CNTRL: variants seen among roughly 807,000 people sequenced by gnomAD.
CNTRL encodes 110 kDa centrosomal protein.
Under a neutral mutation model 303.7 loss-of-function variants are expected in CNTRL, and 233 were observed. The observed-to-expected ratio is 0.77, with a 90% confidence interval of 0.69 to 0.86. The LOEUF (loss-of-function observed/expected upper bound fraction) is 0.86, where lower values mean the gene tolerates loss of function less well. CNTRL is among the 40% of genes least tolerant of loss of function. The pLI is 0.00. For synonymous variants in CNTRL, 900 were observed against 922.2 expected (o/e 0.98, Z 0.44); for missense variants, 2,524 against 2,650.6 (o/e 0.95, Z 1.05).
chr9:121,091,976 C>G (rs949991691), intron 4 of CNTRL, among the ~76,000 whole-genome samples: 7 of 144,778 alleles, frequency 4.8e-5, no homozygotes, highest in African/African-American at 1.8e-4. Context: ...TAGTCACCCT[C>G]TCCTCAGTCG....
intron 14 of CNTRL, among the ~76,000 whole-genome samples, chr9:121,132,591 T>C (rs2050931155): frequency 6.6e-6 from 1 of 152,236 alleles, no homozygotes; most frequent in African/African-American, 2.4e-5. Flanking sequence ...GTCCTTTAGC[T>C]TGAAGAAGTT....
At chr9:121,075,415 G>A (rs1301964067) in intron 1 of CNTRL, among the ~76,000 whole-genome samples, 1 of 152,230 alleles carries the variant, frequency 6.6e-6, no homozygotes, top group Non-Finnish European at 1.5e-5. Flanking sequence ...GGATGTGCCA[G>A]CTGTCTGTGG....
At chr9:121,111,776 A>C (rs1327339725) in intron 8 of CNTRL, among the ~76,000 whole-genome samples, 1 of 152,164 alleles carries the variant, frequency 6.6e-6, no homozygotes, top group Non-Finnish European at 1.5e-5. Flanking sequence ...GTATTTATAA[A>C]TTCAGAGAAT....
chr9:121,146,158 C>T lies in CNTRL; in HGVS notation c.3361C>T (p.Arg1121Cys), dbSNP rs760364010. The T allele has an allele frequency of 2.9e-5, 46 of 1,612,792 alleles. No individual in the cohort carries two copies. Among genetic ancestry groups the T allele is most frequent in the Middle Eastern group, 1.6e-4 (1 of 6,080 alleles). Reference sequence around the variant, plus strand: ...TTTAGAAGAAATTGCTGAACTTCGACGTGAAGTTTCTTATCAGAATGATTA... The same window carrying T: ...TTTAGAAGAAATTGCTGAACTTCGATGTGAAGTTTCTTATCAGAATGATTA... ...NVLEEIAELR[R>C]EVSYQNDYIS... The change falls in exon 23 of 44, where the codon CGT (arginine) becomes TGT (cysteine). Residue 1121 changes from arginine (R) to cysteine (C), a missense_variant. Coordinates refer to ENST00000373855, the MANE Select transcript of CNTRL (RefSeq NM_007018.6).
chr9:121,171,485 G>A lies in CNTRL; in HGVS notation c.6354G>A (p.Arg2118=). The A allele has an allele frequency of 6.2e-7, 1 of 1,614,102 alleles. No homozygotes were observed. Among genetic ancestry groups the A allele is most frequent in the Non-Finnish European group, 8.5e-7 (1 of 1,179,992 alleles). ...TGGTAGCCCAGGACAACCATGAGCG[G>A]GCCAGGCGCCTGATGAAGGAGCTCA... ...IELVAQDNHE[R]ARRLMKELNQ... is the part of the protein sequence containing the mutation. The change falls in exon 40 of 44, where the codon CGG becomes CGA. Residue 2118 remains arginine (R), a synonymous_variant. Transcript: ENST00000373855.
In CNTRL at chr9:121,160,243, T is replaced by C; in HGVS notation, c.5030T>C (p.Ile1677Thr). The change falls in exon 32 of 44, where the codon ATT becomes ACT. Residue 1677 changes from isoleucine to threonine, a missense_variant. Physicochemically the swap from Ile to Thr is moderately conservative, Grantham distance 89 (BLOSUM62 -1). Coordinates refer to ENST00000373855, the MANE Select transcript of CNTRL (RefSeq NM_007018.6). ...KTQLTLIKQEIEKEEENLQVV... is the reference protein window; with the variant it reads ...KTQLTLIKQETEKEEENLQVV... ...CAACTTACACTTATAAAGCAGGAAATTGAAAAAGAGGAAGAAAATCTTCAG... is the reference window on the plus strand; with the variant it reads ...CAACTTACACTTATAAAGCAGGAAACTGAAAAAGAGGAAGAAAATCTTCAG... 1 of 1,560,502 alleles carries C rather than the reference T, an allele frequency of 6.4e-7. No homozygotes were observed. Among genetic ancestry groups the C allele is most frequent in the Non-Finnish European group, 8.6e-7 (1 of 1,159,258 alleles).
chr9:121,143,988 C>T lies in CNTRL; in HGVS notation c.2957C>T (p.Ser986Phe). 1 of 1,613,924 alleles carries T rather than the reference C, an allele frequency of 6.2e-7. No individual in the cohort carries two copies. The highest frequency in any genetic ancestry group is 8.5e-7 in the Non-Finnish European group (1 of 1,179,862). Residue 986 changes from serine (S) to phenylalanine (F), a missense_variant, in exon 20 of 44, where the codon TCT (serine) becomes TTT (phenylalanine). By Grantham distance (155) the Ser-to-Phe change is radical (BLOSUM62 -2). Transcript: ENST00000373855. ...LKKLKKAVATSDKLATAELTI... is the reference protein window; with the variant it reads ...LKKLKKAVATFDKLATAELTI... The stretch of plus-strand genomic sequence containing the variant: ...AAACTAAAGAAAGCCGTGGCCACCT[C>T]TGATAAGCTAGCCACAGCTGAGCTC...
chr9:121,093,215 A>T lies in CNTRL; in HGVS notation c.349-1673A>T, dbSNP rs141963302. ...TAGAACAGCTCCTGGCCCATAATCCATGTTTGATAAATATTTGTGGAATGG... is the reference window on the plus strand; with the variant it reads ...TAGAACAGCTCCTGGCCCATAATCCTTGTTTGATAAATATTTGTGGAATGG... On this transcript the variant is annotated intron_variant, in intron 4 of 43. Transcript: ENST00000373855. Among the ~76,000 whole-genome samples, 827 of 152,248 alleles carry T rather than the reference A, an allele frequency of 5.4e-3. 10 individuals carry two copies. Among genetic ancestry groups the T allele is most frequent in the African/African-American group, 0.019 (787 of 41,544 alleles).
At chr9:121,096,661 A>AT in intron 6 of CNTRL, 98 bp downstream of exon 6, 1 of 1,035,198 alleles carries the variant, frequency 9.7e-7, no homozygotes, top group Non-Finnish European at 1.3e-6. Context: ...TCTTTTAAAG[A>AT]TTTTGCTCCT....
At chr9:121,081,552 GCC>G (rs2048141651) in intron 2 of CNTRL, among the ~76,000 whole-genome samples, 1 of 152,170 alleles carries the variant, frequency 6.6e-6, no homozygotes, top group South Asian at 2.1e-4. Context: ...GACTCCCACT[GCC>G]CCCTCCTTGG....
intron 7 of CNTRL, among the ~76,000 whole-genome samples, chr9:121,099,857 G>GA (rs2049062994): frequency 6.6e-6 from 1 of 151,920 alleles, no homozygotes; most frequent in Admixed American, 6.6e-5. Flanking sequence ...GAAGTTTAGA[G>GA]AAAAAAGAGT....
intron 43 of CNTRL, 108 bp downstream of exon 43, chr9:121,175,332 T>A: frequency 6.5e-6 from 6 of 919,548 alleles, no homozygotes; most frequent in Non-Finnish European, 1.0e-5. Context: ...ATTGGTACCA[T>A]CACAGCTCAC....
At chr9:121,105,221 G>T (rs907440810) in intron 7 of CNTRL, among the ~76,000 whole-genome samples, 1 of 152,154 alleles carries the variant, frequency 6.6e-6, no homozygotes, top group South Asian at 2.1e-4. Context: ...GAGTGATCCA[G>T]GTTGGAAACG....
chr9:121,140,560 T>C (rs1251809059), intron 16 of CNTRL, 81 bp from the exon 17 acceptor site: 1 of 1,271,938 alleles, frequency 7.9e-7, no homozygotes, highest in African/African-American at 1.5e-5. Flanking sequence ...AGTTCTGTGG[T>C]CTAGATATGT....
chr9:121,157,569 G>C lies in CNTRL; in HGVS notation c.4465G>C (p.Val1489Leu), dbSNP rs1387804867. The stretch of plus-strand genomic sequence containing the variant: ...AGAAAGGAGAGCTCAGGAAACTGCT[G>C]TTAACCTCGTCAAAGCTGATCAGCA... ...ELERRAQETA[V>L]NLVKADQQLR... is the part of the protein sequence containing the mutation. Residue 1489 changes from valine (V) to leucine (L), a missense_variant, in exon 28 of 44, where the codon GTT (valine) becomes CTT (leucine). By Grantham distance (32) the Val-to-Leu change is conservative. Coordinates refer to ENST00000373855, the MANE Select transcript of CNTRL (RefSeq NM_007018.6). The C allele has an allele frequency of 6.2e-7, 1 of 1,614,128 alleles. No homozygotes were observed. The highest frequency in any genetic ancestry group is 1.7e-5 in the Admixed American group (1 of 60,028).
intron 14 of CNTRL, among the ~76,000 whole-genome samples, chr9:121,127,593 CAATTACT>C (rs1277446321): frequency 6.6e-6 from 1 of 151,386 alleles, no homozygotes; most frequent in Non-Finnish European, 1.5e-5. Context: ...CGAGAGTCAC[CAATTACT>C]ATTTTAACAC....
chr9:121,095,011 A>T lies in CNTRL; in HGVS notation c.472A>T (p.Lys158Ter). The change falls in exon 5 of 44, where the codon AAA becomes TAA. Residue 158 changes from lysine (K) to a stop codon, truncating the protein, a stop_gained. Coordinates refer to ENST00000373855, the MANE Select transcript of CNTRL (RefSeq NM_007018.6). LOFTEE classifies it high-confidence loss of function. ...KLRELNLSYN[K>*]ISKIEGIENM... Reference sequence around the variant, plus strand: ...ACGTGAACTCAACTTATCATATAACAAAATCAGGTGAGTTATATAACAAAA... The same window carrying T: ...ACGTGAACTCAACTTATCATATAACTAAATCAGGTGAGTTATATAACAAAA... The T allele has an allele frequency of 6.3e-7, 1 of 1,599,494 alleles. No individual in the cohort carries two copies. The highest frequency in any genetic ancestry group is 8.5e-7 in the Non-Finnish European group (1 of 1,174,614).
Position 121,157,691 on chromosome 9 carries a change from T to C in CNTRL, c.4497-49T>C, listed in dbSNP as rs565048447. 1.1e-5 allele frequency: 17 copies of C among 1,607,130 alleles called. No individual in the cohort carries two copies. In the South Asian group the frequency reaches 1.2e-4, roughly 11 times the overall value. ...ATAATAATTGGTTTATGATAAATAA[T>C]GCATGGTAAGTCTACAGGACCTGGG... is the stretch of plus-strand genomic sequence containing the variant. On this transcript the variant is annotated intron_variant, in intron 28 of 43. Coordinates refer to ENST00000373855, the MANE Select transcript of CNTRL (RefSeq NM_007018.6).
At chr9:121,172,910 T>C (rs1018833348) in intron 40 of CNTRL, among the ~76,000 whole-genome samples, 1 of 152,224 alleles carries the variant, frequency 6.6e-6, no homozygotes, top group Non-Finnish European at 1.5e-5. Context: ...GTTAGCCAAC[T>C]TGCCCTGTCA....
Sources: gnomAD v4.1 joint callset for allele counts (sites outside exome capture counted in the v4.1 genomes callset) on GRCh38, gnomAD v4.1.1 for gene constraint, MANE v1.5 for transcripts, NCBI Gene and HGNC (gene_info 2026-07-23, HGNC 2026-07-21) for gene names.